PPRC1: variants seen among roughly 807,000 people sequenced by gnomAD.
PPRC1 encodes the protein peroxisome proliferator-activated receptor gamma coactivator-related protein 1.
PPRC1 carries 23 observed loss-of-function variants against 132.5 expected under a neutral mutation model. The observed-to-expected ratio is 0.17, with a 90% CI of 0.12 to 0.25. The LOEUF is 0.25. PPRC1 is among the 10% of genes least tolerant of loss of function. The pLI is 1.00. For synonymous variants in PPRC1, 872 were observed against 833.5 expected, an observed-to-expected ratio of 1.05 and a Z score of -0.80; for missense variants, 2,006 against 2,089.1, an observed-to-expected ratio of 0.96 and a Z score of 0.78.
upstream of PPRC1, among the ~76,000 whole-genome samples, chr10:102,129,687 T>C (rs1177256203): frequency 1.3e-5 from 2 of 152,154 alleles, no homozygotes; most frequent in East Asian, 3.8e-4. Context: ...CACTGCAACC[T>C]CTGCCTCCCG....
chr10:102,124,333 G>C, the PPRC1 span, among the ~76,000 whole-genome samples: 1 of 151,884 alleles, frequency 6.6e-6, no homozygotes, highest in African/African-American at 2.4e-5. Flanking sequence ...AAAGTGCTGG[G>C]ATTACAGATG....
the PPRC1 span, chr10:102,120,531 T>C: frequency 3.6e-6 from 1 of 275,738 alleles, no homozygotes; most frequent in Non-Finnish European, 5.5e-6. Context: ...ATGCTAATTG[T>C]CCTGCTAGTG....
At chr10:102,142,139 GT>G in intron 5 of PPRC1, 135 bp downstream of exon 5, 1 of 1,053,754 alleles carries the variant, frequency 9.5e-7, no homozygotes, top group Non-Finnish European at 1.3e-6. Flanking sequence ...TTGAGATGGA[GT>G]CTTGCTCTGT....
intron 1 of PPRC1, among the ~76,000 whole-genome samples, chr10:102,137,164 C>T (rs2133611982): frequency 6.6e-6 from 1 of 152,222 alleles, no homozygotes; most frequent in East Asian, 1.9e-4. Context: ...TAAGGTGAAA[C>T]CCTGTCTCTA....
the PPRC1 span, among the ~76,000 whole-genome samples, chr10:102,122,625 G>A: frequency 6.6e-6 from 1 of 151,902 alleles, no homozygotes; most frequent in African/African-American, 2.4e-5. Context: ...GACCACTTAC[G>A]CCTAAGGCCA....
In PPRC1 at chr10:102,145,911, A is replaced by G. The variant is rs139908151; in HGVS notation, c.3680-761A>G. On this transcript the variant is annotated intron_variant, in intron 8 of 13. Coordinates refer to ENST00000278070, the MANE Select transcript of PPRC1 (RefSeq NM_015062.5). Reference sequence around the variant, plus strand: ...AAAAACAACCATGGATTACAGTGAGATGTGAAGAGGGACAGTCAGGGAAGG... The same window carrying G: ...AAAAACAACCATGGATTACAGTGAGGTGTGAAGAGGGACAGTCAGGGAAGG... 1.6e-3 allele frequency among the ~76,000 whole-genome samples: 242 copies of G among 152,258 alleles called. 1 individual carries two copies. Among genetic ancestry groups the G allele is most frequent in the African/African-American group, 5.4e-3 (225 of 41,550 alleles).
chr10:102,148,845 A>G lies in PPRC1; in HGVS notation c.4646A>G (p.Lys1549Arg), dbSNP rs1319856659. 2.5e-6 allele frequency: 4 copies of G among 1,614,178 alleles called. No individual in the cohort carries two copies. Among genetic ancestry groups the G allele is most frequent in the Non-Finnish European group, 2.5e-6 (3 of 1,180,026 alleles). ...IEERRVVFIG[K>R]IPGRMTRSEL... Reference sequence around the variant, plus strand: ...GAAAGAAGGGTGGTCTTCATTGGAAAGATACCTGGCCGCATGACTCGATCA... The same window carrying G: ...GAAAGAAGGGTGGTCTTCATTGGAAGGATACCTGGCCGCATGACTCGATCA... The change falls in exon 12 of 14, where the codon AAG (lysine) becomes AGG (arginine). Residue 1549 changes from lysine (K) to arginine (R), a missense_variant. Lys to Arg is a conservative substitution (Grantham distance 26, BLOSUM62 2). Coordinates refer to ENST00000278070, the MANE Select transcript of PPRC1 (RefSeq NM_015062.5). This position sits in a 1 kb window ranked among gnomAD's most constrained non-coding sequence, Gnocchi z 4.2.
In PPRC1 at chr10:102,148,273, T is replaced by C; in HGVS notation, c.4401-99T>C. 1 of 1,402,980 alleles carries C rather than the reference T, an allele frequency of 7.1e-7. No homozygotes were observed. Among genetic ancestry groups the C allele is most frequent in the Non-Finnish European group, 9.8e-7 (1 of 1,023,670 alleles). The allele number at this position is 1,402,980 out of a possible 1,614,324, so 86.9% of individuals were successfully genotyped here. A position where few individuals can be genotyped will look rare whatever the true frequency, so the allele number is the denominator to read the frequency against. Reference sequence around the variant, plus strand: ...TTCTACTCTGCTTTGTCTTTGGTCCTGAGCTTCCTAAAAGAAAGGCAGGAC... The same window carrying C: ...TTCTACTCTGCTTTGTCTTTGGTCCCGAGCTTCCTAAAAGAAAGGCAGGAC... On this transcript the variant is annotated intron_variant, in intron 9 of 13. Transcript: ENST00000278070. The surrounding 1 kb of genome is among the most constrained non-coding windows in gnomAD (Gnocchi z 4.2).
rs1165374568 is a variant in PPRC1, at chr10:102,138,808, A to T, written c.489+43A>T. ...GGAAGGGGATTAGTACAAAGTTTAGACCCATGCCTGTGGACCTACTCATAT... is the reference window on the plus strand; with the variant it reads ...GGAAGGGGATTAGTACAAAGTTTAGTCCCATGCCTGTGGACCTACTCATAT... On this transcript the variant is annotated intron_variant, in intron 3 of 13. Coordinates refer to ENST00000278070, the MANE Select transcript of PPRC1 (RefSeq NM_015062.5). The T allele has an allele frequency of 3.7e-6, 6 of 1,613,456 alleles. No individual in the cohort carries two copies. The South Asian group carries it at 6.6e-5, about 18-fold the overall frequency.
Position 102,146,688 on chromosome 10 carries a change from T to A in PPRC1, c.3696T>A (p.Ala1232=), listed in dbSNP as rs753988840. ...LANVAGLTPP[A]TPPHQLWKPL... is the part of the protein sequence containing the mutation. ...CCACCACAGGGCTCACCCCTCCAGC[T>A]ACCCCTCCCCACCAGTTATGGAAGC... Residue 1232 remains alanine (A), a synonymous_variant, in exon 9 of 14, where the codon GCT becomes GCA. Transcript: ENST00000278070. 6.2e-7 allele frequency: 1 copy of A among 1,611,096 alleles called. No individual in the cohort carries two copies. The highest frequency in any genetic ancestry group is 1.1e-5 in the South Asian group (1 of 90,918).
At chr10:102,121,570 A>C in the PPRC1 span, among the ~76,000 whole-genome samples, 5 of 152,168 alleles carry the variant, frequency 3.3e-5, no homozygotes, top group East Asian at 3.9e-4. Context: ...CCAAAAGCTC[A>C]GCTTTAGCTG....
At chr10:102,127,039 ATATATATATATATATATATATATATATAT>A in the PPRC1 span, among the ~76,000 whole-genome samples, 12 of 54,638 alleles carry the variant, frequency 2.2e-4, no homozygotes, top group East Asian at 1.4e-3. Context: ...ATATATATAT[ATATATATATATATATATATATATATATAT>A]AAATTAAAAA....
At chr10:102,126,764 C>T in the PPRC1 span, among the ~76,000 whole-genome samples, 6 of 151,846 alleles carry the variant, frequency 4.0e-5, no homozygotes, top group Non-Finnish European at 5.9e-5. Flanking sequence ...CAGCCGCAGC[C>T]GTGAACTGTA....
At position 102,133,132 on chromosome 10, in the gene PPRC1, G is replaced by T; in HGVS notation, c.64G>T (p.Asp22Tyr). ...APPPSGGPGP[D>Y]PGGGARGSGW... ...GCCCCCGAGTGGGGGCCCCGGTCCG[G>T]ACCCTGGCGGGGGAGCCCGCGGCAG... Residue 22 changes from aspartate to tyrosine, a missense_variant, in exon 1 of 14, where the codon GAC becomes TAC. Asp to Tyr is a radical substitution (Grantham distance 160, BLOSUM62 -3). Transcript: ENST00000278070. 8.0e-7 allele frequency: 1 copy of T among 1,251,340 alleles called. No homozygotes were observed. Among genetic ancestry groups the T allele is most frequent in the Non-Finnish European group, 1.0e-6 (1 of 991,314 alleles). The allele number at this position is 1,251,340 out of a possible 1,614,324, so 77.5% of individuals were successfully genotyped here.
chr10:102,133,013 C>A (rs1393301668), upstream of PPRC1: 5 of 1,236,476 alleles, frequency 4.0e-6, no homozygotes, highest in East Asian at 9.5e-5. Context: ...TTCCCACAAT[C>A]GGCTGGGCGA....
At position 102,139,466 on chromosome 10, in the gene PPRC1, C is replaced by G. The variant is rs2068857861; in HGVS notation, c.958C>G (p.Leu320Val). The G allele has an allele frequency of 1.9e-6, 3 of 1,613,898 alleles. No individual in the cohort carries two copies. The highest frequency in any genetic ancestry group is 2.5e-6 in the Non-Finnish European group (3 of 1,179,886). The part of the protein sequence containing the change: ...RAMHPYCLPN[L>V]THLASLEDEL... ...CATGCACCCATACTGCCTGCCCAACCTCACCCACCTGGCATCACTTGAGGA... is the reference window on the plus strand; with the variant it reads ...CATGCACCCATACTGCCTGCCCAACGTCACCCACCTGGCATCACTTGAGGA... The change falls in exon 5 of 14, where the codon CTC (leucine) becomes GTC (valine). Residue 320 changes from leucine (L) to valine (V), a missense_variant. Leu to Val is a conservative substitution (Grantham distance 32, BLOSUM62 1). Coordinates refer to ENST00000278070, the MANE Select transcript of PPRC1 (RefSeq NM_015062.5).
At position 102,140,321 on chromosome 10, in the gene PPRC1, G is replaced by T; in HGVS notation, c.1813G>T (p.Val605Leu). 9.9e-6 allele frequency: 16 copies of T among 1,614,194 alleles called. No individual in the cohort carries two copies. The highest frequency in any genetic ancestry group is 1.4e-5 in the Non-Finnish European group (16 of 1,180,030). Residue 605 changes from valine (V) to leucine (L), a missense_variant, in exon 5 of 14, where the codon GTA becomes TTA. Val to Leu is a conservative substitution (Grantham distance 32). Coordinates refer to ENST00000278070, the MANE Select transcript of PPRC1 (RefSeq NM_015062.5). ...AGTTGGCCCTGTTCTAGCTGGCCCT[G>T]TACCTGTTGACCCTGGGTTGGTTGA... ...TAVGPVLAGP[V>L]PVDPGLVDLA... is the part of the protein sequence containing the mutation.
At chr10:102,138,122 C>G in intron 2 of PPRC1, 84 bp downstream of exon 2, 1 of 1,387,170 alleles carries the variant, frequency 7.2e-7, no homozygotes, top group Admixed American at 2.4e-5. Flanking sequence ...TGGCTCTGCT[C>G]TCCCAGGACC....
rs760461224 is a variant in PPRC1, at chr10:102,140,002, C to T, written c.1494C>T (p.Asp498=). 3.7e-6 allele frequency: 6 copies of T among 1,614,124 alleles called. No homozygotes were observed. The highest frequency in any genetic ancestry group is 3.3e-5 in the Admixed American group (2 of 60,006). Residue 498 remains aspartate, a synonymous_variant, in exon 5 of 14, where the codon GAC becomes GAT. Coordinates refer to ENST00000278070, the MANE Select transcript of PPRC1 (RefSeq NM_015062.5). ...TVGTEVTSQV[D]NLQKQPQEEL... is the part of the protein sequence containing the mutation. ...GTACAGAAGTGACCTCTCAGGTAGACAACTTGCAGAAACAGCCTCAGGAAG... is the reference window on the plus strand; with the variant it reads ...GTACAGAAGTGACCTCTCAGGTAGATAACTTGCAGAAACAGCCTCAGGAAG...
Sources: allele counts gnomAD v4.1 joint callset (sites outside exome capture counted in the v4.1 genomes callset), GRCh38; gene constraint gnomAD v4.1.1; non-coding constraint Gnocchi (gnomAD v3.1); transcripts MANE v1.5; gene names NCBI Gene and HGNC (gene_info 2026-07-23, HGNC 2026-07-21).